Variants in GFRAL observed in about 807,000 individuals in gnomAD.
The protein encoded by GFRAL is GDNF family receptor alpha like.
A neutral mutation model predicts 45.4 loss-of-function variants in GFRAL; 36 were observed. The ratio of observed to expected loss-of-function variants is 0.79; its 90% CI spans 0.61 to 1.05. The LOEUF is 1.05. Ranked by LOEUF, GFRAL falls within the 50% of genes least tolerant of loss-of-function variation. The probability of loss-of-function intolerance (pLI) is 0.00; values close to 1 mark genes in which losing one functional copy is unlikely to be tolerated. For synonymous variants in GFRAL, 166 were observed against 154.1 expected, an observed-to-expected ratio of 1.08 and a Z score of -0.57; for missense variants, 507 against 467.5, an observed-to-expected ratio of 1.08 and a Z score of -0.78.
intron 6 of GFRAL, among the ~76,000 whole-genome samples, chr6:55,383,422 G>A (rs773884211): frequency 1.3e-5 from 2 of 151,794 alleles, no homozygotes; most frequent in Non-Finnish European, 2.9e-5. Flanking sequence ...TTATAACATC[G>A]TATTTTTACT....
At chr6:55,348,877 CA>C (rs1768080114) in intron 3 of GFRAL, among the ~76,000 whole-genome samples, 1 of 152,098 alleles carries the variant, frequency 6.6e-6, no homozygotes, top group Admixed American at 6.6e-5. Flanking sequence ...ATATTTTAGT[CA>C]GTGGCACAGC....
chr6:55,392,527 A>G lies in GFRAL; in HGVS notation c.953-6653A>G, dbSNP rs115888659. Among the ~76,000 whole-genome samples the G allele has an allele frequency of 2.6e-3, 401 of 152,270 alleles. 2 individuals are homozygous for G. The highest frequency in any genetic ancestry group is 9.2e-3 in the African/African-American group (382 of 41,578). On this transcript the variant is annotated intron_variant, in intron 6 of 8. Coordinates refer to ENST00000340465, the MANE Select transcript of GFRAL (RefSeq NM_207410.2). ...GCAGATTCTAAATTCTCCATATCTC[A>G]TGGGGACATGTTGGGAAATTGAAGA...
intron 6 of GFRAL, among the ~76,000 whole-genome samples, chr6:55,361,010 A>C: frequency 6.6e-6 from 1 of 152,172 alleles, no homozygotes; most frequent in East Asian, 1.9e-4. Flanking sequence ...TTCAATTTTC[A>C]TAGTGTTTGC....
At chr6:55,378,041 G>T (rs902064908) in intron 6 of GFRAL, among the ~76,000 whole-genome samples, 7 of 152,124 alleles carry the variant, frequency 4.6e-5, no homozygotes, top group African/African-American at 1.7e-4. Flanking sequence ...TTGACCTTTG[G>T]ATCCTGTCCC....
chr6:55,351,688 A>G (rs1301979045), intron 5 of GFRAL, 105 bp downstream of exon 5: 1 of 733,878 alleles, frequency 1.4e-6, no homozygotes, highest in African/African-American at 1.8e-5. Context: ...TCCCACCATC[A>G]TCCAACATAG....
intron 1 of GFRAL, 33 bp from the exon 2 acceptor site, chr6:55,331,682 A>G: frequency 6.3e-7 from 1 of 1,582,162 alleles, no homozygotes; most frequent in Non-Finnish European, 8.6e-7. Context: ...CCAAATTTAT[A>G]TTACAACCTT....
intron 6 of GFRAL, among the ~76,000 whole-genome samples, chr6:55,361,219 A>T (rs1768271303): frequency 6.6e-6 from 1 of 152,016 alleles, no homozygotes; most frequent in Admixed American, 6.6e-5. Context: ...AAATGACAGG[A>T]TTATAGAATT....
In GFRAL at chr6:55,331,806, TA is replaced by T; in HGVS notation, c.117del (p.Lys39AsnfsTer6). 2 of 1,611,854 alleles carry T rather than the reference TA, an allele frequency of 1.2e-6. No homozygotes were observed. Among genetic ancestry groups the T allele is most frequent in the Non-Finnish European group, 1.7e-6 (2 of 1,179,090 alleles). The stretch of plus-strand genomic sequence containing the variant: ...AATGCTTACGTGATGCAAATGGATG[TA>T]AACATGCTTGGAGAGTAATGGAAGA... ...EQCLRDANGCKHAWRVMEDAC... is the reference protein window; with the variant it reads ...EQCLRDANGCXHAWRVMEDAC... On this transcript the variant is annotated frameshift_variant, in exon 2 of 9. Coordinates refer to ENST00000340465, the MANE Select transcript of GFRAL (RefSeq NM_207410.2). LOFTEE classifies it high-confidence loss of function.
At chr6:55,366,071 T>G (rs12190580) in intron 6 of GFRAL, among the ~76,000 whole-genome samples, 3,292 of 151,176 alleles carry the variant, frequency 0.022, 39 homozygotes, top group African/African-American at 0.029. Flanking sequence ...ATCTGGTCCT[T>G]GACTCTTTTT....
rs115657915 is a variant in GFRAL at position 55,387,124 on chromosome 6, G to T, written c.953-12056G>T. Among the ~76,000 whole-genome samples, 289 of 152,222 alleles carry T rather than the reference G, an allele frequency of 1.9e-3. 1 individual carries two copies. Among genetic ancestry groups the T allele is most frequent in the African/African-American group, 6.5e-3 (269 of 41,554 alleles). ...GCCAAAACATAAAGATTAAAGAGTT[G>T]CCATTGATGAGTGAGACAATTCACA... On this transcript the variant is annotated intron_variant, in intron 6 of 8. Transcript: ENST00000340465.
At chr6:55,386,877 G>C (rs1768687445) in intron 6 of GFRAL, among the ~76,000 whole-genome samples, 1 of 152,116 alleles carries the variant, frequency 6.6e-6, no homozygotes, top group South Asian at 2.1e-4. Context: ...ATTTGGCTAA[G>C]GCTTCCTATT....
chr6:55,377,142 A>G (rs1768546172), intron 6 of GFRAL, among the ~76,000 whole-genome samples: 1 of 151,942 alleles, frequency 6.6e-6, no homozygotes, highest in Admixed American at 6.6e-5. Flanking sequence ...TCCTTTGCAA[A>G]TTGTACCAAA....
intron 3 of GFRAL, among the ~76,000 whole-genome samples, chr6:55,338,191 A>T (rs1767915863): frequency 6.6e-6 from 1 of 152,114 alleles, no homozygotes; most frequent in African/African-American, 2.4e-5. Context: ...CCTGGGTTCA[A>T]GCTATTCCTC....
chr6:55,351,184 G>A (rs1768110894), intron 4 of GFRAL, 69 bp from the exon 5 acceptor site: 2 of 1,104,570 alleles, frequency 1.8e-6, no homozygotes, highest in Admixed American at 2.3e-5. Context: ...TTCTCACAGT[G>A]TTTTATAGTT....
intron 3 of GFRAL, among the ~76,000 whole-genome samples, chr6:55,348,461 A>G (rs114355015): frequency 0.036 from 5,415 of 152,220 alleles, 123 homozygotes; most frequent in Non-Finnish European, 0.052. Context: ...ACGAAATACT[A>G]CGGGCTGGGT....
At chr6:55,386,280 G>A (rs1226551219) in intron 6 of GFRAL, among the ~76,000 whole-genome samples, 1 of 151,972 alleles carries the variant, frequency 6.6e-6, no homozygotes, top group African/African-American at 2.4e-5. Context: ...TTTGCTTCTA[G>A]TACTTACGTG....
chr6:55,333,910 C>T lies in GFRAL; in HGVS notation c.282C>T (p.Asn94=), dbSNP rs764669445. 4.5e-6 allele frequency: 7 copies of T among 1,567,132 alleles called. No homozygotes were observed. In the African/African-American group the frequency reaches 5.5e-5, roughly 12 times the overall value. ...LCTDDFYCTV[N]KLLGKKCINK... is the part of the protein sequence containing the mutation. Reference sequence around the variant, plus strand: ...CTGATGACTTCTATTGTACTGTGAACAAACTGCTTGGAAAAAAATGTATCA... The same window carrying T: ...CTGATGACTTCTATTGTACTGTGAATAAACTGCTTGGAAAAAAATGTATCA... The change falls in exon 3 of 9, where the codon AAC becomes AAT. Residue 94 remains asparagine, a synonymous_variant. Coordinates refer to ENST00000340465, the MANE Select transcript of GFRAL (RefSeq NM_207410.2).
At chr6:55,365,857 GTTT>G (rs1163325186) in intron 6 of GFRAL, among the ~76,000 whole-genome samples, 11 of 147,808 alleles carry the variant, frequency 7.4e-5, no homozygotes, top group African/African-American at 2.8e-4. Flanking sequence ...TTTTATTGAG[GTTT>G]TTTGCATCAA....
intron 3 of GFRAL, among the ~76,000 whole-genome samples, chr6:55,345,747 G>A (rs1210881207): frequency 6.6e-6 from 1 of 152,160 alleles, no homozygotes; most frequent in Non-Finnish European, 1.5e-5. Flanking sequence ...TACCATCAGA[G>A]TGAACAGGCA....
Sources: allele counts gnomAD v4.1 joint callset (sites outside exome capture counted in the v4.1 genomes callset), GRCh38; gene constraint gnomAD v4.1.1; transcripts MANE v1.5; gene names NCBI Gene and HGNC (gene_info 2026-07-23, HGNC 2026-07-21).